Variants in GNG7 observed in about 807,000 individuals in gnomAD.
GNG7 encodes guanine nucleotide-binding protein G(I)/G(S)/G(O) subunit gamma-7.
A neutral mutation model predicts 4.0 loss-of-function variants in GNG7; 1 was observed. That is an observed-to-expected ratio of 0.25 (90% CI 0.09 to 1.18). The LOEUF (loss-of-function observed/expected upper bound fraction) is 1.18, where lower values mean the gene tolerates loss of function less well. Among genes scored for constraint, GNG7 ranks in the 50% most tolerant of loss-of-function variants. The pLI is 0.50. For missense variants in GNG7, 86 were observed against 91.9 expected (o/e 0.94, Z 0.26); for synonymous variants, 34 against 36.9 (o/e 0.92, Z 0.29).
At chr19:2,569,697 C>T (rs929920750) in intron 2 of GNG7, among the ~76,000 whole-genome samples, 9 of 152,180 alleles carry the variant, frequency 5.9e-5, no homozygotes, top group Non-Finnish European at 1.2e-4. Context: ...TGGAGCCATC[C>T]TGGGCACTGC....
rs61275453 is a variant in GNG7, at chr19:2,661,296, AAG to A, written c.-134-15018_-134-15017del. ...AAAGAAAGAAAGAAAGAAAGAAAGA[AAG>A]AAAGAGAAAGAAAGAAAGAAAGAAA... is the stretch of plus-strand genomic sequence containing the variant. On this transcript the variant is annotated intron_variant, in intron 1 of 4. Transcript: ENST00000382159. Among the ~76,000 whole-genome samples the A allele has an allele frequency of 1.2e-4, 7 of 58,594 alleles. 1 individual carries two copies. Among genetic ancestry groups the A allele is most frequent in the African/African-American group, 5.3e-4 (6 of 11,368 alleles). The allele number at this position is 58,594 out of a possible 152,430, so 38.4% of individuals were successfully genotyped here. A position where few individuals can be genotyped will look rare whatever the true frequency, so the allele number is the denominator to read the frequency against.
intron 4 of GNG7, among the ~76,000 whole-genome samples, chr19:2,515,942 C>A (rs919164453): frequency 6.6e-6 from 1 of 151,680 alleles, no homozygotes; most frequent in Non-Finnish European, 1.5e-5. Flanking sequence ...TGGCCAGGTG[C>A]GGTGGCTCAC....
intron 1 of GNG7, among the ~76,000 whole-genome samples, chr19:2,656,889 G>A (rs1042042733): frequency 6.6e-6 from 1 of 152,056 alleles, no homozygotes; most frequent in Non-Finnish European, 1.5e-5. Flanking sequence ...CCAGAAACGA[G>A]TAAGTCCTAA....
At position 2,609,806 on chromosome 19, in the gene GNG7, T is replaced by G. The variant is rs1981504077; in HGVS notation, c.-78+36418A>C. On this transcript the variant is annotated intron_variant, in intron 2 of 4. Transcript: ENST00000382159. The surrounding 1 kb of genome is among the most constrained non-coding windows in gnomAD (Gnocchi z 4.4). The stretch of plus-strand genomic sequence containing the variant: ...GACTGGCCACCGTAGGACAATCCAG[T>G]GGGACCTGGGGGTGCCTCTGGGCCA... Among the ~76,000 whole-genome samples the G allele has an allele frequency of 6.6e-6, 1 of 152,100 alleles. No individual in the cohort carries two copies. Among genetic ancestry groups the G allele is most frequent in the Non-Finnish European group, 1.5e-5 (1 of 68,012 alleles).
intron 2 of GNG7, among the ~76,000 whole-genome samples, chr19:2,607,992 T>G (rs1981443116): frequency 6.8e-6 from 1 of 147,886 alleles, no homozygotes; most frequent in Non-Finnish European, 1.5e-5. Flanking sequence ...TCCAGAAAGT[T>G]CACCTGCGAC....
rs974629934 is a variant in GNG7 at position 2,511,556 on chromosome 19, T to C, written c.*3466A>G. The C allele has an allele frequency of 6.5e-6, 1 of 153,008 alleles. No homozygotes were observed. Among genetic ancestry groups the C allele is most frequent in the African/African-American group, 2.4e-5 (1 of 41,448 alleles). 9.5% of individuals were successfully genotyped at this position (153,008 alleles called of 1,614,324 possible). The stretch of plus-strand genomic sequence containing the variant: ...AGTGACCCCTTGAGGAAGGGCGTGG[T>C]GGCTCCACCTCCACCCGGAAGCCCC... On this transcript the variant is annotated 3_prime_UTR_variant, in exon 5 of 5. Transcript: ENST00000382159. The surrounding 1 kb of genome is among the most constrained non-coding windows in gnomAD (Gnocchi z 6.3).
In GNG7 at chr19:2,557,655, G is replaced by A. The variant is rs772447709; in HGVS notation, c.-77-2467C>T. ...AAGTGCGATGTGCCCAGGCCAGCCC[G>A]GTGTGACCTCAGCTCCTGATCCATA... On this transcript the variant is annotated intron_variant, in intron 2 of 4. Transcript: ENST00000382159. This position sits in a 1 kb window ranked among gnomAD's most constrained non-coding sequence, Gnocchi z 5.1. Among the ~76,000 whole-genome samples the A allele has an allele frequency of 3.3e-5, 5 of 152,072 alleles. No homozygotes were observed. The highest frequency in any genetic ancestry group is 6.6e-5 in the Admixed American group (1 of 15,250).
At chr19:2,541,698 C>A (rs1444454142) in intron 3 of GNG7, among the ~76,000 whole-genome samples, 1 of 151,070 alleles carries the variant, frequency 6.6e-6, no homozygotes, top group South Asian at 2.1e-4. Context: ...GCCGAGATCA[C>A]GCCACTGCAC....
intron 2 of GNG7, among the ~76,000 whole-genome samples, chr19:2,583,627 T>C (rs1289246334): frequency 6.6e-6 from 1 of 152,194 alleles, no homozygotes; most frequent in Non-Finnish European, 1.5e-5. Flanking sequence ...ATAAATAGGA[T>C]TGTGCAGAGG....
intron 2 of GNG7, among the ~76,000 whole-genome samples, chr19:2,556,491 C>T (rs929328603): frequency 6.6e-6 from 1 of 152,222 alleles, no homozygotes; most frequent in Non-Finnish European, 1.5e-5. Context: ...GCTATTTCCA[C>T]AAACCAATGG....
intron 1 of GNG7, among the ~76,000 whole-genome samples, chr19:2,689,085 T>C (rs910326330): frequency 6.6e-6 from 1 of 150,924 alleles, no homozygotes; most frequent in African/African-American, 2.4e-5. Context: ...TAAATGTAAA[T>C]TTAAAAAATA....
At chr19:2,631,456 C>G (rs940404279) in intron 2 of GNG7, among the ~76,000 whole-genome samples, 1 of 152,236 alleles carries the variant, frequency 6.6e-6, no homozygotes, top group Admixed American at 6.5e-5. Flanking sequence ...CCACTGAGCT[C>G]TGTCCTTGTA....
intron 1 of GNG7, among the ~76,000 whole-genome samples, chr19:2,651,938 GCCAAGGCAGGCAGATCAC>G (rs1168852568): frequency 6.6e-6 from 1 of 151,874 alleles, no homozygotes; most frequent in Non-Finnish European, 1.5e-5. Context: ...ACTTTGGGAG[GCCAAGGCAGGCAGATCAC>G]CTGAGGTCAG....
intron 2 of GNG7, among the ~76,000 whole-genome samples, chr19:2,567,979 T>G (rs1217369102): frequency 6.6e-6 from 1 of 152,010 alleles, no homozygotes; most frequent in Admixed American, 6.6e-5. Context: ...GGAAAATGCA[T>G]CTCACCAGGC....
At chr19:2,647,204 GA>G (rs1436231098) in intron 1 of GNG7, among the ~76,000 whole-genome samples, 2 of 151,994 alleles carry the variant, frequency 1.3e-5, no homozygotes, top group Non-Finnish European at 2.9e-5. Flanking sequence ...CTGGAGCCTG[GA>G]ATCCTGGCAT....
intron 2 of GNG7, among the ~76,000 whole-genome samples, chr19:2,602,911 T>TTCTTTTCTTTCCC (rs1244335345): frequency 6.0e-5 from 9 of 149,314 alleles, no homozygotes; most frequent in African/African-American, 2.3e-4. Flanking sequence ...CTTTCTTTCT[T>TTCTTTTCTTTCCC]TCTTTCTTTC....
chr19:2,626,616 C>G lies in GNG7; in HGVS notation c.-78+19608G>C, dbSNP rs902828396. 6.6e-6 allele frequency among the ~76,000 whole-genome samples: 1 copy of G among 152,186 alleles called. No individual in the cohort carries two copies. The highest frequency in any genetic ancestry group is 1.5e-5 in the Non-Finnish European group (1 of 68,034). On this transcript the variant is annotated intron_variant, in intron 2 of 4. Coordinates refer to ENST00000382159, the MANE Select transcript of GNG7 (RefSeq NM_052847.3). The surrounding 1 kb of genome is among the most constrained non-coding windows in gnomAD (Gnocchi z 5.0). Reference sequence around the variant, plus strand: ...CTCCAGGAAGCCCTCCCTGAATTCCCGAACAAAGCTCCTGGTGTGGGCACC... The same window carrying G: ...CTCCAGGAAGCCCTCCCTGAATTCCGGAACAAAGCTCCTGGTGTGGGCACC...
intron 1 of GNG7, among the ~76,000 whole-genome samples, chr19:2,662,385 C>T (rs1983204518): frequency 6.6e-6 from 1 of 152,006 alleles, no homozygotes; most frequent in African/African-American, 2.4e-5. Flanking sequence ...GTGCTATCTA[C>T]CTGGAGACAG....
intron 3 of GNG7, among the ~76,000 whole-genome samples, chr19:2,539,832 A>AATT (rs1568236280): frequency 8.8e-6 from 1 of 114,070 alleles, no homozygotes; most frequent in Non-Finnish European, 1.9e-5. Context: ...AGGAACTCAC[A>AATT]CCTCTCCTTT....
Sources: allele counts gnomAD v4.1 joint callset (sites outside exome capture counted in the v4.1 genomes callset), GRCh38; gene constraint gnomAD v4.1.1; non-coding constraint Gnocchi (gnomAD v3.1); transcripts MANE v1.5; gene names NCBI Gene and HGNC (gene_info 2026-07-23, HGNC 2026-07-21).